FCHSD2: variants seen among roughly 807,000 people sequenced by gnomAD.
FCHSD2 encodes F-BAR and double SH3 domains protein 2.
A neutral mutation model predicts 108.1 loss-of-function variants in FCHSD2; 38 were observed. The observed-to-expected ratio is 0.35, with a 90% CI of 0.27 to 0.46. FCHSD2 has a LOEUF of 0.46. Ranked by LOEUF, FCHSD2 falls within the 20% of genes least tolerant of loss-of-function variation. The pLI, the probability that FCHSD2 is intolerant of heterozygous loss-of-function variation, is 1.00. For synonymous variants in FCHSD2, 279 were observed against 314.7 expected, an observed-to-expected ratio of 0.89 and a Z score of 1.20; for missense variants, 751 against 897.8, an observed-to-expected ratio of 0.84 and a Z score of 2.09.
At position 73,141,854 on chromosome 11, in the gene FCHSD2, T is replaced by C. The variant is rs776987893; in HGVS notation, c.21+3A>G. ...CCCCAAAGCCCCCCAGCTGCGCCCT[T>C]ACCTTCCTCGGCGGCGGCTGCATGA... On this transcript the variant is annotated splice_donor_region_variant and intron_variant, in intron 1 of 19. Coordinates refer to ENST00000409418, the MANE Select transcript of FCHSD2 (RefSeq NM_014824.3). The C allele has an allele frequency of 4.5e-6, 7 of 1,544,712 alleles. No individual in the cohort carries two copies. In the Middle Eastern group the frequency reaches 8.4e-4, roughly 184 times the overall value.
intron 18 of FCHSD2, 107 bp downstream of exon 18, chr11:72,841,339 CCAAAAAAA>C: frequency 2.9e-6 from 2 of 695,150 alleles, no homozygotes; most frequent in African/African-American, 5.3e-5. Context: ...GACTCTGTCT[CCAAAAAAA>C]AAAAAAAAAA....
chr11:73,112,834 T>G (rs1001217529), intron 2 of FCHSD2, among the ~76,000 whole-genome samples: 1 of 152,118 alleles, frequency 6.6e-6, no homozygotes, highest in African/African-American at 2.4e-5. Context: ...TATTTACTTA[T>G]TTAGTATTTT....
At position 73,066,395 on chromosome 11, in the gene FCHSD2, C is replaced by T. The variant is rs182094043; in HGVS notation, c.165+17300G>A. The stretch of plus-strand genomic sequence containing the variant: ...CATAAGACCTAGGACCATAAAAATC[C>T]TAGAAGAAAACCTAGGCAATACCAT... On this transcript the variant is annotated intron_variant, in intron 3 of 19. Coordinates refer to ENST00000409418, the MANE Select transcript of FCHSD2 (RefSeq NM_014824.3). 7.7e-3 allele frequency among the ~76,000 whole-genome samples: 1,179 copies of T among 152,188 alleles called. 13 individuals carry two copies. Among genetic ancestry groups the T allele is most frequent in the African/African-American group, 0.027 (1,135 of 41,522 alleles).
At chr11:72,910,474 T>A (rs1191045732) in intron 9 of FCHSD2, among the ~76,000 whole-genome samples, 1 of 152,246 alleles carries the variant, frequency 6.6e-6, no homozygotes, top group Non-Finnish European at 1.5e-5. Flanking sequence ...TTTTGTTCTG[T>A]AATAAGAAAA....
chr11:72,976,928 C>CA lies in FCHSD2; in HGVS notation c.705+7159_705+7160insT, dbSNP rs1555067755. Among the ~76,000 whole-genome samples, 22 of 141,858 alleles carry CA rather than the reference C, an allele frequency of 1.6e-4. No individual in the cohort carries two copies. The South Asian group carries it at 4.1e-3, about 26-fold the overall frequency. 93.1% of individuals were successfully genotyped at this position (141,858 alleles called of 152,430 possible). On this transcript the variant is annotated intron_variant, in intron 8 of 19. Transcript: ENST00000409418. ...AAATCTAAGACCTCAAACTATGAAA[C>CA]TTTTTTTTTTTTTTTGAGACAGAGT...
intron 8 of FCHSD2, among the ~76,000 whole-genome samples, chr11:72,936,995 A>C (rs1003544351): frequency 2.0e-5 from 3 of 152,162 alleles, no homozygotes; most frequent in Non-Finnish European, 4.4e-5. Context: ...GTTTCTTTAT[A>C]TGCTTCATAA....
At chr11:73,042,482 C>G (rs773353060) in intron 3 of FCHSD2, among the ~76,000 whole-genome samples, 14 of 152,190 alleles carry the variant, frequency 9.2e-5, no homozygotes, top group Non-Finnish European at 1.5e-4. Context: ...ATTTTGAAGT[C>G]AGGTACTGTG....
intron 4 of FCHSD2, among the ~76,000 whole-genome samples, chr11:73,012,185 G>T (rs1591481226): frequency 6.6e-6 from 1 of 152,134 alleles, no homozygotes; most frequent in East Asian, 1.9e-4. Context: ...ACTAAAGCAG[G>T]CATTAAAAAG....
intron 2 of FCHSD2, among the ~76,000 whole-genome samples, chr11:73,097,257 A>G (rs1260411065): frequency 2.0e-5 from 3 of 149,796 alleles, no homozygotes; most frequent in Admixed American, 6.6e-5. Flanking sequence ...ACCTGCCTCA[A>G]CCTCCCAAGT....
At chr11:72,927,109 C>T (rs1279875601) in intron 8 of FCHSD2, among the ~76,000 whole-genome samples, 1 of 152,174 alleles carries the variant, frequency 6.6e-6, no homozygotes, top group Non-Finnish European at 1.5e-5. Flanking sequence ...CTTGCCCTCT[C>T]TTCTTTTCCG....
At chr11:72,953,731 C>T (rs956932390) in intron 8 of FCHSD2, among the ~76,000 whole-genome samples, 6 of 152,058 alleles carry the variant, frequency 3.9e-5, no homozygotes, top group African/African-American at 1.4e-4. Flanking sequence ...AGAAAAGATG[C>T]CGCCTTATGT....
chr11:72,992,024 C>T (rs555105982), intron 5 of FCHSD2, among the ~76,000 whole-genome samples: 10 of 152,246 alleles, frequency 6.6e-5, no homozygotes, highest in African/African-American at 1.9e-4. Flanking sequence ...ATCGTCTCAG[C>T]CCAAAATCTC....
At chr11:72,928,954 T>C (rs1406064425) in intron 8 of FCHSD2, among the ~76,000 whole-genome samples, 1 of 151,554 alleles carries the variant, frequency 6.6e-6, no homozygotes, top group Non-Finnish European at 1.5e-5. Context: ...TTCCCACCTA[T>C]GAGTGAGAAC....
intron 3 of FCHSD2, among the ~76,000 whole-genome samples, chr11:73,032,407 A>G (rs1194148615): frequency 6.6e-6 from 1 of 152,046 alleles, no homozygotes; most frequent in Non-Finnish European, 1.5e-5. Context: ...TAATTTTTTT[A>G]TAGAGACAGG....
rs572609940 is a variant in FCHSD2 at position 73,125,449 on chromosome 11, A to T, written c.119+14582T>A. On this transcript the variant is annotated intron_variant, in intron 2 of 19. Coordinates refer to ENST00000409418, the MANE Select transcript of FCHSD2 (RefSeq NM_014824.3). ...ATCGAGTGTGGTGGCTCATGCCTAT[A>T]ATCCCAGCACTTTGGGAGGCCAAAG... Among the ~76,000 whole-genome samples, 6 of 152,102 alleles carry T rather than the reference A, an allele frequency of 3.9e-5. No individual in the cohort carries two copies. The South Asian group carries it at 1.2e-3, about 32-fold the overall frequency.
intron 8 of FCHSD2, chr11:72,940,610 G>C (rs890069995): frequency 7.7e-5 from 111 of 1,443,644 alleles, no homozygotes; most frequent in Non-Finnish European, 9.6e-5. Flanking sequence ...GCTCTCCACA[G>C]GGCTCCCCGC....
chr11:72,851,356 C>T (rs969500564), intron 13 of FCHSD2, among the ~76,000 whole-genome samples: 3 of 152,236 alleles, frequency 2.0e-5, no homozygotes, highest in East Asian at 1.9e-4. Context: ...TAGTGACAAA[C>T]GCCTCGACAC....
At position 72,840,868 on chromosome 11, in the gene FCHSD2, GA is replaced by G; in HGVS notation, c.2139+8del. ...TGCATTCGATAATCCTGCAAGATCAGAGACTTACAGGTCGCAGTTTGCCATA... is the reference window on the plus strand; with the variant it reads ...TGCATTCGATAATCCTGCAAGATCAGGACTTACAGGTCGCAGTTTGCCATA... On this transcript the variant is annotated splice_region_variant and intron_variant, in intron 19 of 19. Transcript: ENST00000409418. 1 of 1,583,456 alleles carries G rather than the reference GA, an allele frequency of 6.3e-7. No homozygotes were observed. The highest frequency in any genetic ancestry group is 8.7e-7 in the Non-Finnish European group (1 of 1,152,188).
intron 8 of FCHSD2, among the ~76,000 whole-genome samples, chr11:72,976,750 A>G (rs4515995): frequency 0.21 from 32,351 of 152,036 alleles, 3,717 homozygotes; most frequent in East Asian, 0.48. Flanking sequence ...TCAAATCCAT[A>G]CATCTACAGT....
Sources: gnomAD v4.1 joint callset for allele counts (sites outside exome capture counted in the v4.1 genomes callset) on GRCh38, gnomAD v4.1.1 for gene constraint, MANE v1.5 for transcripts, NCBI Gene and HGNC (gene_info 2026-07-23, HGNC 2026-07-21) for gene names.